Variants in CACNA1B observed in about 807,000 individuals in gnomAD.
CACNA1B encodes calcium voltage-gated channel subunit alpha1 B.
A neutral mutation model predicts 247.2 loss-of-function variants in CACNA1B; 70 were observed. That is an observed-to-expected ratio of 0.28 (90% CI 0.23 to 0.35). The LOEUF is 0.35. CACNA1B is among the 10% of genes least tolerant of loss of function. The pLI, the probability that CACNA1B is intolerant of heterozygous loss-of-function variation, is 1.00. For missense variants in CACNA1B, 2,367 were observed against 3,197.4 expected (o/e 0.74, Z 6.26); for synonymous variants, 1,231 against 1,294.4 (o/e 0.95, Z 1.05).
chr9:138,086,518 A>G (rs1349293640), intron 36 of CACNA1B, among the ~76,000 whole-genome samples: 3 of 151,268 alleles, frequency 2.0e-5, no homozygotes, highest in African/African-American at 7.3e-5. Context: ...CCTGGGCAAC[A>G]TACCAAGACC....
Position 138,052,028 on chromosome 9 carries a change from C to T in CACNA1B, c.3711-64C>T. ...GGAGCAGGACTCAGACCCTGGGGGGCCACGTGGGAGCTGGGCACACCCATG... is the reference window on the plus strand; with the variant it reads ...GGAGCAGGACTCAGACCCTGGGGGGTCACGTGGGAGCTGGGCACACCCATG... On this transcript the variant is annotated intron_variant, in intron 24 of 46. Transcript: ENST00000371372. This position sits in a 1 kb window ranked among gnomAD's most constrained non-coding sequence, Gnocchi z 5.1. 1 of 915,788 alleles carries T rather than the reference C, an allele frequency of 1.1e-6. No homozygotes were observed. 56.7% of individuals were successfully genotyped at this position (915,788 alleles called of 1,614,324 possible).
chr9:137,933,449 T>G (rs1006281363), intron 6 of CACNA1B, among the ~76,000 whole-genome samples: 3 of 152,194 alleles, frequency 2.0e-5, no homozygotes, highest in Non-Finnish European at 4.4e-5. Context: ...ACATTTATAT[T>G]GGGCCCCAAA....
rs766289971 is a variant in CACNA1B at position 138,054,029 on chromosome 9, G to A, written c.3968+23G>A. 1 of 1,610,962 alleles carries A rather than the reference G, an allele frequency of 6.2e-7. No individual in the cohort carries two copies. The highest frequency in any genetic ancestry group is 1.1e-5 in the South Asian group (1 of 90,958). Reference sequence around the variant, plus strand: ...CAGGTAAACTGAGGCAGGGTGCAAGGTGGGACACACAGCCCCATGATGCAG... The same window carrying A: ...CAGGTAAACTGAGGCAGGGTGCAAGATGGGACACACAGCCCCATGATGCAG... On this transcript the variant is annotated intron_variant, in intron 26 of 46. Coordinates refer to ENST00000371372, the MANE Select transcript of CACNA1B (RefSeq NM_000718.4). This position sits in a 1 kb window ranked among gnomAD's most constrained non-coding sequence, Gnocchi z 4.6.
Position 138,023,217 on chromosome 9 carries a change from G to A in CACNA1B, c.2474G>A (p.Gly825Asp). 6.6e-7 allele frequency: 1 copy of A among 1,511,286 alleles called. No individual in the cohort carries two copies. The highest frequency in any genetic ancestry group is 1.2e-5 in the South Asian group (1 of 80,288). The allele number at this position is 1,511,286 out of a possible 1,614,324, so 93.6% of individuals were successfully genotyped here. A position where few individuals can be genotyped will look rare whatever the true frequency, so the allele number is the denominator to read the frequency against. ...CTGGTGGTGGAGCTGGGCCGCGACG[G>A]CGCGCGGGGGCCCGTGGGAGGCAAA... ...RPLVVELGRD[G>D]ARGPVGGKAR... The change falls in exon 19 of 47, where the codon GGC (glycine) becomes GAC (aspartate). Residue 825 changes from glycine to aspartate, a missense_variant. By Grantham distance (94) the Gly-to-Asp change is moderately conservative. Coordinates refer to ENST00000371372, the MANE Select transcript of CACNA1B (RefSeq NM_000718.4).
Position 137,974,002 on chromosome 9 carries a change from G to C in CACNA1B, c.1544-1905G>C, listed in dbSNP as rs1337483372. ...GGGTGCCAGCAGTCCCATCTCTGGG[G>C]CCTCTCCTCCCTGGGTCCGAGCCCC... On this transcript the variant is annotated intron_variant, in intron 11 of 46. Transcript: ENST00000371372. The surrounding 1 kb of genome is among the most constrained non-coding windows in gnomAD (Gnocchi z 4.5). 6.6e-6 allele frequency among the ~76,000 whole-genome samples: 1 copy of C among 152,180 alleles called. No homozygotes were observed. Among genetic ancestry groups the C allele is most frequent in the Non-Finnish European group, 1.5e-5 (1 of 68,026 alleles).
intron 36 of CACNA1B, 29 bp from the exon 37 acceptor site, chr9:138,096,455 C>T (rs1375409445): frequency 5.0e-6 from 8 of 1,607,546 alleles, no homozygotes; most frequent in East Asian, 4.5e-5. Flanking sequence ...GGTCTCTCTC[C>T]GTCACCTGTT....
intron 20 of CACNA1B, among the ~76,000 whole-genome samples, chr9:138,039,001 A>G (rs1042630431): frequency 6.6e-6 from 1 of 152,070 alleles, no homozygotes; most frequent in Non-Finnish European, 1.5e-5. Context: ...CCTGGCCAAC[A>G]TGGCAAAACC....
chr9:138,040,687 C>T (rs960211039), intron 20 of CACNA1B: 1 of 225,806 alleles, frequency 4.4e-6, no homozygotes, highest in African/African-American at 2.3e-5. Context: ...GGCCCGTTGT[C>T]TCCTTTTCAC....
At chr9:137,944,209 A>AT (rs1269189593) in intron 6 of CACNA1B, among the ~76,000 whole-genome samples, 1 of 151,920 alleles carries the variant, frequency 6.6e-6, no homozygotes, top group Non-Finnish European at 1.5e-5. Context: ...CAAGAAGCTG[A>AT]TTTTGATTAG....
intron 3 of CACNA1B, among the ~76,000 whole-genome samples, chr9:137,902,778 G>A (rs999688896): frequency 2.0e-5 from 3 of 152,278 alleles, no homozygotes; most frequent in East Asian, 1.9e-4. Flanking sequence ...CCCTCCTGTC[G>A]TGGGCAGGCC....
At chr9:137,949,761 G>C (rs1000089479) in intron 6 of CACNA1B, among the ~76,000 whole-genome samples, 1 of 152,084 alleles carries the variant, frequency 6.6e-6, no homozygotes, top group Non-Finnish European at 1.5e-5. Flanking sequence ...AATGTGGGTT[G>C]AATGAGGTCC....
rs552707004 is a variant in CACNA1B at position 137,881,016 on chromosome 9, G to T, written c.391-1728G>T. Reference sequence around the variant, plus strand: ...CAGCCTTCAGCCATGGGCTGGGCAGGGCAGAGCTGTGAGGAGAGGGCTCGG... The same window carrying T: ...CAGCCTTCAGCCATGGGCTGGGCAGTGCAGAGCTGTGAGGAGAGGGCTCGG... On this transcript the variant is annotated intron_variant, in intron 2 of 46. Coordinates refer to ENST00000371372, the MANE Select transcript of CACNA1B (RefSeq NM_000718.4). This position sits in a 1 kb window ranked among gnomAD's most constrained non-coding sequence, Gnocchi z 4.3. Among the ~76,000 whole-genome samples, 14 of 152,376 alleles carry T rather than the reference G, an allele frequency of 9.2e-5. No individual in the cohort carries two copies. The East Asian group carries it at 2.7e-3, about 29-fold the overall frequency.
rs756250076 is a variant in CACNA1B at position 137,899,503 on chromosome 9, C to T, written c.531-13677C>T. Among the ~76,000 whole-genome samples, 2 of 152,150 alleles carry T rather than the reference C, an allele frequency of 1.3e-5. No individual in the cohort carries two copies. Among genetic ancestry groups the T allele is most frequent in the Non-Finnish European group, 2.9e-5 (2 of 68,028 alleles). On this transcript the variant is annotated intron_variant, in intron 3 of 46. Coordinates refer to ENST00000371372, the MANE Select transcript of CACNA1B (RefSeq NM_000718.4). The surrounding 1 kb of genome is among the most constrained non-coding windows in gnomAD (Gnocchi z 5.0). ...CGTGTGTGTGCTTGGGGTTGGGGTT[C>T]CCCGCATGCCATGCCTAGCTCTTCT...
chr9:138,030,083 T>C (rs1958970562), intron 20 of CACNA1B, among the ~76,000 whole-genome samples: 1 of 152,238 alleles, frequency 6.6e-6, no homozygotes, highest in Non-Finnish European at 1.5e-5. Context: ...TGTCTTCCCT[T>C]ATTGCACTGT....
chr9:137,884,966 C>CACT (rs546496137), intron 3 of CACNA1B, among the ~76,000 whole-genome samples: 2,054 of 107,724 alleles, frequency 0.019, 75 homozygotes, highest in Non-Finnish European at 0.029. Flanking sequence ...TTCCCCCCCC[C>CACT]CCTCCTCCCA....
chr9:138,000,038 T>A (rs1312804479), intron 15 of CACNA1B, among the ~76,000 whole-genome samples: 1 of 151,302 alleles, frequency 6.6e-6, no homozygotes, highest in Non-Finnish European at 1.5e-5. Context: ...GATTTTTTTT[T>A]AATTCCAAAA....
intron 6 of CACNA1B, among the ~76,000 whole-genome samples, chr9:137,934,273 T>C (rs1957639443): frequency 6.6e-6 from 1 of 152,342 alleles, no homozygotes; most frequent in Admixed American, 6.5e-5. Context: ...TGGATCCAAC[T>C]ACCTAATCCT....
chr9:138,013,408 C>G (rs2133423581), intron 18 of CACNA1B, among the ~76,000 whole-genome samples, 173 bp downstream of exon 18: 1 of 152,196 alleles, frequency 6.6e-6, no homozygotes, highest in African/African-American at 2.4e-5. Context: ...GGCTCCAGGG[C>G]TTTTTCTCAG....
intron 6 of CACNA1B, among the ~76,000 whole-genome samples, chr9:137,918,465 G>A (rs1419095455): frequency 1.3e-5 from 2 of 152,172 alleles, no homozygotes; most frequent in Non-Finnish European, 2.9e-5. Flanking sequence ...AGGGGTGCTA[G>A]GTTTTGAGTA....
Sources: gnomAD v4.1 joint callset for allele counts (sites outside exome capture counted in the v4.1 genomes callset) on GRCh38, gnomAD v4.1.1 for gene constraint, Gnocchi (gnomAD v3.1) non-coding constraint, MANE v1.5 for transcripts, NCBI Gene and HGNC (gene_info 2026-07-23, HGNC 2026-07-21) for gene names.